The following ATG4A variants were observed in gnomAD, a reference collection of about 807,000 sequenced individuals.
ATG4A encodes autophagy related 4A cysteine peptidase, also known as cysteine protease ATG4A.
In ATG4A, 22 loss-of-function variants were observed where a neutral mutation model predicts 38.4. That is an observed-to-expected ratio of 0.57 (90% CI 0.41 to 0.82). The LOEUF is 0.82. Ranked by LOEUF, ATG4A falls within the 40% of genes least tolerant of loss-of-function variation. The probability of loss-of-function intolerance (pLI) is 0.00; values close to 1 mark genes in which losing one functional copy is unlikely to be tolerated. For synonymous variants in ATG4A, 86 were observed against 100.7 expected, an observed-to-expected ratio of 0.85 and a Z score of 0.88; for missense variants, 220 against 290.0, an observed-to-expected ratio of 0.76 and a Z score of 1.75.
At chrX:108,145,904 A>G (rs924058961) in intron 9 of ATG4A, among the ~76,000 whole-genome samples, 5 of 110,921 alleles carry the variant, frequency 4.5e-5, no homozygotes, top group African/African-American at 1.6e-4. Context: ...CTGAACTAAA[A>G]CTCCATTAAT....
chrX:108,118,860 A>G (rs181594817), intron 1 of ATG4A, among the ~76,000 whole-genome samples: 205 of 112,269 alleles, frequency 1.8e-3, no homozygotes, highest in African/African-American at 6.3e-3. Context: ...TATTATTAAC[A>G]CTTGTCTGTA....
At chrX:108,120,656 T>C (rs756162534) in intron 1 of ATG4A, among the ~76,000 whole-genome samples, 3 of 112,295 alleles carry the variant, frequency 2.7e-5, no homozygotes, top group Non-Finnish European at 5.6e-5. Context: ...GTAAGAAATG[T>C]CATATTTTCT....
At chrX:108,150,351 C>G in intron 10 of ATG4A, 54 bp downstream of exon 10, 1 of 1,186,064 alleles carries the variant, frequency 8.4e-7, no homozygotes, top group Admixed American at 2.2e-5. Flanking sequence ...CAGATTGGTT[C>G]CCTGGGAGTT....
At chrX:108,147,874 T>G (rs1213775964) in intron 9 of ATG4A, among the ~76,000 whole-genome samples, 1 of 108,621 alleles carries the variant, frequency 9.2e-6, no homozygotes, top group Non-Finnish European at 1.9e-5. Context: ...TTAGCATTTT[T>G]GGGTCTAATC....
chrX:108,107,238 G>A (rs1187333727), intron 1 of ATG4A, among the ~76,000 whole-genome samples: 5 of 110,717 alleles, frequency 4.5e-5, no homozygotes, highest in Admixed American at 9.6e-5. Context: ...TTGTTCAATC[G>A]CATAATTTCT....
At chrX:108,110,201 C>CAAA (rs35962236) in intron 1 of ATG4A, among the ~76,000 whole-genome samples, 4 of 51,559 alleles carry the variant, frequency 7.8e-5, no homozygotes, top group Middle Eastern at 0.014. Flanking sequence ...CCTGTCTCCA[C>CAAA]AAAAAAAAAA....
upstream of ATG4A, among the ~76,000 whole-genome samples, chrX:108,089,236 C>T (rs377647967): frequency 8.9e-6 from 1 of 111,829 alleles, no homozygotes; most frequent in African/African-American, 3.3e-5. Flanking sequence ...CTACACAGTG[C>T]TTATTATCTC....
intron 1 of ATG4A, among the ~76,000 whole-genome samples, chrX:108,096,377 A>G (rs969862593): frequency 8.9e-6 from 1 of 112,480 alleles, no homozygotes; most frequent in African/African-American, 3.2e-5. Context: ...CTTGCCACAC[A>G]AAAACATGAG....
chrX:108,134,707 C>A (rs1163529363), intron 6 of ATG4A, among the ~76,000 whole-genome samples: 1 of 111,892 alleles, frequency 8.9e-6, no homozygotes, highest in Non-Finnish European at 1.9e-5. Context: ...GAGCCATTGG[C>A]CTGAGGGTCC....
intron 1 of ATG4A, among the ~76,000 whole-genome samples, chrX:108,108,370 A>T (rs1051613542): frequency 3.7e-5 from 4 of 108,268 alleles, no homozygotes; most frequent in South Asian, 4.0e-4. Context: ...GTATATATAT[A>T]TATTTATTTA....
At position 108,128,755 on chromosome X, in the gene ATG4A, A is replaced by C. The variant is rs770408519; in HGVS notation, c.122-26A>C. ...TGGGTATTTTTAGATATGGTGATTT[A>C]ATTTTAATTTTACATTTAATTACAG... is the stretch of plus-strand genomic sequence containing the variant. On this transcript the variant is annotated intron_variant, in intron 2 of 12. Coordinates refer to ENST00000372232, the MANE Select transcript of ATG4A (RefSeq NM_052936.5). 8 of 1,067,361 alleles carry C rather than the reference A, an allele frequency of 7.5e-6. No individual in the cohort carries two copies. The South Asian group carries it at 1.7e-4, about 23-fold the overall frequency. The allele number at this position is 1,067,361 out of a possible 1,213,427, so 88.0% of individuals were successfully genotyped here.
chrX:108,136,211 A>G (rs1485731055), intron 6 of ATG4A, among the ~76,000 whole-genome samples: 1 of 111,201 alleles, frequency 9.0e-6, no homozygotes, highest in African/African-American at 3.3e-5. Context: ...AATGAATGAA[A>G]TACAAGGGTG....
intron 6 of ATG4A, 56 bp downstream of exon 6, chrX:108,134,467 C>T: frequency 9.4e-7 from 1 of 1,066,077 alleles, no homozygotes; most frequent in Non-Finnish European, 1.3e-6. Flanking sequence ...GCTTCCCTCC[C>T]TAGACAACTA....
rs1376453219 is a variant in ATG4A at position 108,146,489 on chromosome X, C to A, written c.815-3663C>A. Among the ~76,000 whole-genome samples, 13 of 111,759 alleles carry A rather than the reference C, an allele frequency of 1.2e-4. No homozygotes were observed. The Admixed American group carries it at 1.2e-3, about 11-fold the overall frequency. On this transcript the variant is annotated intron_variant, in intron 9 of 12. Coordinates refer to ENST00000372232, the MANE Select transcript of ATG4A (RefSeq NM_052936.5). The stretch of plus-strand genomic sequence containing the variant: ...CTTGCCTTTGATGGTTGAGTGCTGC[C>A]ACTTGGCCCCTGCCACCTCAGGATC...
In ATG4A at chrX:108,133,067, A is replaced by G. The variant is rs758007253; in HGVS notation, c.293-990A>G. 3.6e-5 allele frequency among the ~76,000 whole-genome samples: 4 copies of G among 112,366 alleles called. No homozygotes were observed. In the East Asian group the frequency reaches 1.1e-3, roughly 31 times the overall value. Reference sequence around the variant, plus strand: ...TTGGACAATTTGGTAGCTAATGAAAAGAAGTTGGATGTGGTTCACCCTCTG... The same window carrying G: ...TTGGACAATTTGGTAGCTAATGAAAGGAAGTTGGATGTGGTTCACCCTCTG... On this transcript the variant is annotated intron_variant, in intron 4 of 12. Transcript: ENST00000372232.
rs183963227 is a variant in ATG4A, at chrX:108,106,104, G to A, written c.10+14268G>A. On this transcript the variant is annotated intron_variant, in intron 1 of 12. Transcript: ENST00000372232. ...ATCTTGCTCCTATGTCACATATTTCGATATGTTGTATTTTCATTTTCATTC... is the reference window on the plus strand; with the variant it reads ...ATCTTGCTCCTATGTCACATATTTCAATATGTTGTATTTTCATTTTCATTC... Among the ~76,000 whole-genome samples the A allele has an allele frequency of 2.3e-4, 26 of 110,979 alleles. No homozygotes were observed. In the East Asian group the frequency reaches 5.9e-3, roughly 25 times the overall value.
intron 6 of ATG4A, 60 bp from the exon 7 acceptor site, chrX:108,137,030 CT>C (rs1474144231): frequency 2.0e-5 from 20 of 986,710 alleles, no homozygotes; most frequent in Middle Eastern, 5.8e-4. Flanking sequence ...ATAAATTGTA[CT>C]GTTTTCTGCT....
chrX:108,145,748 G>T lies in ATG4A; in HGVS notation c.815-4404G>T, dbSNP rs183557417. ...TGGCTTCCATTTGGCCTTTCTCACT[G>T]TAATAGCCCTCACCCTACCAGTCAG... On this transcript the variant is annotated intron_variant, in intron 9 of 12. Transcript: ENST00000372232. 3.4e-4 allele frequency among the ~76,000 whole-genome samples: 38 copies of T among 112,106 alleles called. No homozygotes were observed. In the East Asian group the frequency reaches 5.3e-3, roughly 16 times the overall value.
chrX:108,141,089 T>C (rs1312247349), intron 9 of ATG4A, among the ~76,000 whole-genome samples: 1 of 78,350 alleles, frequency 1.3e-5, no homozygotes, highest in African/African-American at 4.8e-5. Flanking sequence ...TATATATATA[T>C]ATATATATAT....
Sources: gnomAD v4.1 joint callset for allele counts (sites outside exome capture counted in the v4.1 genomes callset) on GRCh38, gnomAD v4.1.1 for gene constraint, MANE v1.5 for transcripts, NCBI Gene and HGNC (gene_info 2026-07-23, HGNC 2026-07-21) for gene names.